Variants in CLEC2L observed in about 807,000 individuals in gnomAD.
CLEC2L encodes the protein C-type lectin domain family 2, member L.
A neutral mutation model predicts 23.6 loss-of-function variants in CLEC2L; 14 were observed. That is an observed-to-expected ratio of 0.59 (90% CI 0.39 to 0.93). The LOEUF (loss-of-function observed/expected upper bound fraction) is 0.93. Ranked by LOEUF, CLEC2L falls within the 40% of genes least tolerant of loss-of-function variation. The pLI, the probability that CLEC2L is intolerant of heterozygous loss-of-function variation, is 0.00. For synonymous variants in CLEC2L, 114 were observed against 121.3 expected, an observed-to-expected ratio of 0.94 and a Z score of 0.40; for missense variants, 264 against 282.4, an observed-to-expected ratio of 0.93 and a Z score of 0.47.
At chr7:139,527,106 T>G (rs1198396176) in intron 1 of CLEC2L, among the ~76,000 whole-genome samples, 3 of 152,258 alleles carry the variant, frequency 2.0e-5, no homozygotes, top group Non-Finnish European at 2.9e-5. Flanking sequence ...GGAGCCTTGC[T>G]GGGGCTTTCA....
chr7:139,524,764 C>CTGG (rs1797482260), intron 1 of CLEC2L, among the ~76,000 whole-genome samples: 2 of 152,128 alleles, frequency 1.3e-5, no homozygotes, highest in African/African-American at 4.8e-5. Context: ...TTAGCTACCG[C>CTGG]CGGCGGCGTG....
At position 139,544,342 on chromosome 7, in the gene CLEC2L, A is replaced by G. The variant is rs2116332381; in HGVS notation, c.645A>G (p.Ter215TrpextTer11). The change falls in exon 5 of 5, where the codon TGA becomes TGG. Residue 215 changes from the stop codon to tryptophan (W), a stop_lost. Transcript: ENST00000422142. ...TGTGCAGCAAGATGGCCTATACTTG[A>G]GGTGGGTGGGGCCAGAGGTGGCCCC... ...PWVCSKMAYT[*>W] 1 of 1,605,258 alleles carries G rather than the reference A, an allele frequency of 6.2e-7. No individual in the cohort carries two copies. The highest frequency in any genetic ancestry group is 2.2e-5 in the East Asian group (1 of 44,708).
rs533360361 is a variant in CLEC2L at position 139,530,721 on chromosome 7, G to A, written c.191-5553G>A. 2.0e-5 allele frequency among the ~76,000 whole-genome samples: 3 copies of A among 151,296 alleles called. No homozygotes were observed. In the South Asian group the frequency reaches 6.3e-4, roughly 32 times the overall value. On this transcript the variant is annotated intron_variant, in intron 1 of 4. Coordinates refer to ENST00000422142, the MANE Select transcript of CLEC2L (RefSeq NM_001080511.4). ...CCAGCTACTCAGGAGGCTGAGGTGG[G>A]AGAATTGCTTGAACCCAGGAAGCAG...
intron 1 of CLEC2L, among the ~76,000 whole-genome samples, chr7:139,530,278 G>A (rs898697709): frequency 6.6e-6 from 1 of 152,078 alleles, no homozygotes; most frequent in African/African-American, 2.4e-5. Flanking sequence ...ACAAAATAGA[G>A]AGCTAAGGAA....
intron 4 of CLEC2L, among the ~76,000 whole-genome samples, chr7:139,542,831 A>G (rs1797756543): frequency 6.6e-6 from 1 of 152,088 alleles, no homozygotes; most frequent in Non-Finnish European, 1.5e-5. Flanking sequence ...TGGCTGTGGC[A>G]GTACAGTGGT....
intron 1 of CLEC2L, 144 bp downstream of exon 1, chr7:139,524,261 C>A: frequency 1.7e-6 from 1 of 590,180 alleles, no homozygotes; most frequent in Non-Finnish European, 2.1e-6. Flanking sequence ...CGGAGTCATT[C>A]ATTTCAGGGC....
Position 139,540,928 on chromosome 7 carries a change from G to A in CLEC2L, c.432+441G>A, listed in dbSNP as rs189682923. Among the ~76,000 whole-genome samples, 50 of 152,074 alleles carry A rather than the reference G, an allele frequency of 3.3e-4. No homozygotes were observed. Among genetic ancestry groups the A allele is most frequent in the African/African-American group, 1.2e-3 (49 of 41,494 alleles). On this transcript the variant is annotated intron_variant, in intron 3 of 4. Coordinates refer to ENST00000422142, the MANE Select transcript of CLEC2L (RefSeq NM_001080511.4). This position sits in a 1 kb window ranked among gnomAD's most constrained non-coding sequence, Gnocchi z 5.8. Reference sequence around the variant, plus strand: ...GAAAATTAGCTGGGCATGGTGGAGTGTGCCTGTAGTCCCAGCTACTTAGGG... The same window carrying A: ...GAAAATTAGCTGGGCATGGTGGAGTATGCCTGTAGTCCCAGCTACTTAGGG...
At position 139,523,812 on chromosome 7, in the gene CLEC2L, G is replaced by C. The variant is rs982545672; in HGVS notation, c.-116G>C. On this transcript the variant is annotated 5_prime_UTR_variant, in exon 1 of 5. Coordinates refer to ENST00000422142, the MANE Select transcript of CLEC2L (RefSeq NM_001080511.4). This position sits in a 1 kb window ranked among gnomAD's most constrained non-coding sequence, Gnocchi z 4.1. Reference sequence around the variant, plus strand: ...CCGGCCTGCCAGCGCCGCGGTCCTAGCCCACCCGAGGCCGGCCTGGGGGGC... The same window carrying C: ...CCGGCCTGCCAGCGCCGCGGTCCTACCCCACCCGAGGCCGGCCTGGGGGGC... 16 of 632,658 alleles carry C rather than the reference G, an allele frequency of 2.5e-5. No individual in the cohort carries two copies. Among genetic ancestry groups the C allele is most frequent in the African/African-American group, 1.8e-4 (9 of 50,214 alleles). The allele number at this position is 632,658 out of a possible 1,614,324, so 39.2% of individuals were successfully genotyped here. A position where few individuals can be genotyped will look rare whatever the true frequency, so the allele number is the denominator to read the frequency against.
chr7:139,523,749 C>T lies in CLEC2L; in HGVS notation c.-179C>T. The T allele has an allele frequency of 4.0e-6, 1 of 251,028 alleles. No individual in the cohort carries two copies. 15.6% of individuals were successfully genotyped at this position (251,028 alleles called of 1,614,324 possible). ...GCGCTGAGCGCACCGCGGCGGCACCCGGCGCAGAGGCTCCAGCGCGGGGAG... is the reference window on the plus strand; with the variant it reads ...GCGCTGAGCGCACCGCGGCGGCACCTGGCGCAGAGGCTCCAGCGCGGGGAG... On this transcript the variant is annotated 5_prime_UTR_variant, in exon 1 of 5. Transcript: ENST00000422142. The surrounding 1 kb of genome is among the most constrained non-coding windows in gnomAD (Gnocchi z 4.1).
chr7:139,534,229 G>T (rs1451294168), intron 1 of CLEC2L: 1 of 936,718 alleles, frequency 1.1e-6, no homozygotes, highest in Non-Finnish European at 1.8e-6. Flanking sequence ...CTGTAGCAAA[G>T]AGTTTGGCGC....
chr7:139,544,409 C>T lies in CLEC2L; in HGVS notation c.*67C>T. The T allele has an allele frequency of 8.4e-7, 1 of 1,184,602 alleles. No individual in the cohort carries two copies. The highest frequency in any genetic ancestry group is 1.2e-6 in the Non-Finnish European group (1 of 816,914). The allele number at this position is 1,184,602 out of a possible 1,614,324, so 73.4% of individuals were successfully genotyped here. On this transcript the variant is annotated 3_prime_UTR_variant, in exon 5 of 5. Transcript: ENST00000422142. Reference sequence around the variant, plus strand: ...GAGGTGTCTGGTGTCTGCTCAAGACCTGCTTCCAGCGGAGCCGCCTGCCCT... The same window carrying T: ...GAGGTGTCTGGTGTCTGCTCAAGACTTGCTTCCAGCGGAGCCGCCTGCCCT...
chr7:139,531,117 CATT>C (rs1489936853), intron 1 of CLEC2L, among the ~76,000 whole-genome samples: 1 of 152,198 alleles, frequency 6.6e-6, no homozygotes, highest in African/African-American at 2.4e-5. Flanking sequence ...CCAGTGAACT[CATT>C]AGTCTTCCTG....
intron 1 of CLEC2L, among the ~76,000 whole-genome samples, chr7:139,527,172 G>A (rs1370818514): frequency 6.6e-6 from 1 of 152,184 alleles, no homozygotes; most frequent in East Asian, 1.9e-4. Flanking sequence ...TGAGTGTTCT[G>A]TTTCATAGAT....
At chr7:139,536,090 A>G (rs1260228273) in intron 1 of CLEC2L, among the ~76,000 whole-genome samples, 184 bp from the exon 2 acceptor site, 1 of 152,196 alleles carries the variant, frequency 6.6e-6, no homozygotes, top group Non-Finnish European at 1.5e-5. Context: ...GGATCATTTG[A>G]GGTCAGGAGT....
chr7:139,543,365 G>C (rs944965392), intron 4 of CLEC2L, among the ~76,000 whole-genome samples: 5 of 152,202 alleles, frequency 3.3e-5, no homozygotes, highest in African/African-American at 1.2e-4. Context: ...TGCTCTCAGA[G>C]CCCTGCAGGC....
intron 2 of CLEC2L, among the ~76,000 whole-genome samples, chr7:139,538,424 CTG>C (rs1797688242): frequency 7.1e-6 from 1 of 140,638 alleles, no homozygotes; most frequent in Non-Finnish European, 1.5e-5. Flanking sequence ...AGAAGAGACT[CTG>C]TCTCAAAAAA....
chr7:139,523,704 G>C lies in CLEC2L; in HGVS notation c.-224G>C, dbSNP rs1418535146. ...CTCCCCAGCCCGGCTGTGCGTGGAG[G>C]CTGCGGCTCGGCGGGGCAGGCGCTG... On this transcript the variant is annotated 5_prime_UTR_variant, in exon 1 of 5. Coordinates refer to ENST00000422142, the MANE Select transcript of CLEC2L (RefSeq NM_001080511.4). This position sits in a 1 kb window ranked among gnomAD's most constrained non-coding sequence, Gnocchi z 4.1. 6.6e-6 allele frequency among the ~76,000 whole-genome samples: 1 copy of C among 150,802 alleles called. No individual in the cohort carries two copies. Among genetic ancestry groups the C allele is most frequent in the Non-Finnish European group, 1.5e-5 (1 of 67,592 alleles).
rs755009916 is a variant in CLEC2L at position 139,529,882 on chromosome 7, C to T, written c.190+5765C>T. The stretch of plus-strand genomic sequence containing the variant: ...AGGAGTTTGAGACCAATCTGGCCAA[C>T]GTGGAGAAACCCCAACTCTACTAAA... On this transcript the variant is annotated intron_variant, in intron 1 of 4. Transcript: ENST00000422142. Among the ~76,000 whole-genome samples the T allele has an allele frequency of 2.8e-4, 43 of 152,134 alleles. 1 individual carries two copies. The highest frequency in any genetic ancestry group is 8.5e-4 in the Admixed American group (13 of 15,282).
intron 1 of CLEC2L, among the ~76,000 whole-genome samples, chr7:139,529,295 C>T (rs1309750225): frequency 6.6e-6 from 1 of 152,170 alleles, no homozygotes; most frequent in Admixed American, 6.5e-5. Flanking sequence ...TTATCATTAC[C>T]TCATTTTCAA....
Sources: gnomAD v4.1 joint callset for allele counts (sites outside exome capture counted in the v4.1 genomes callset) on GRCh38, gnomAD v4.1.1 for gene constraint, Gnocchi (gnomAD v3.1) non-coding constraint, MANE v1.5 for transcripts, NCBI Gene and HGNC (gene_info 2026-07-23, HGNC 2026-07-21) for gene names.